The following PLEKHG4 variants were observed in gnomAD, a reference collection of about 807,000 sequenced individuals.
PLEKHG4 encodes pleckstrin homology and RhoGEF domain containing G4.
PLEKHG4 carries 85 observed loss-of-function variants against 136.9 expected under a neutral mutation model. The observed-to-expected ratio is 0.62, with a 90% CI of 0.52 to 0.74. PLEKHG4 has a LOEUF of 0.74. Ranked by LOEUF, PLEKHG4 falls within the 30% of genes least tolerant of loss-of-function variation. The pLI is 0.00. For synonymous variants in PLEKHG4, 577 were observed against 646.9 expected (o/e 0.89, Z 1.64); for missense variants, 1,317 against 1,527.8 (o/e 0.86, Z 2.30).
chr16:67,279,109 C>G (rs1300530773), upstream of PLEKHG4: 1 of 152,246 alleles, frequency 6.6e-6, no homozygotes, highest in Non-Finnish European at 1.5e-5. Context: ...CCTGGGAGAC[C>G]CCGCCCCGCC....
chr16:67,284,435 G>A lies in PLEKHG4; in HGVS notation c.1670G>A (p.Arg557Lys), dbSNP rs149335809. 834 of 1,613,904 alleles carry A rather than the reference G, an allele frequency of 5.2e-4. 4 individuals carry two copies. In the African/African-American group the frequency reaches 0.01, roughly 19 times the overall value. Residue 557 changes from arginine (R) to lysine (K), a missense_variant, in exon 12 of 22, where the codon AGG (arginine) becomes AAG (lysine). Transcript: ENST00000379344. The surrounding 1 kb of genome is among the most constrained non-coding windows in gnomAD (Gnocchi z 4.4). ...QRCQRLADAE[R>K]LFQLFREALT... The stretch of plus-strand genomic sequence containing the variant: ...TGCCAGCGGCTGGCGGATGCTGAGA[G>A]GCTGTTTCAGCTCTTCAGGGAGGTG...
rs771188331 is a variant in PLEKHG4, at chr16:67,288,063, G to A, written c.3220+49G>A. 1.2e-5 allele frequency: 19 copies of A among 1,532,160 alleles called. No individual in the cohort carries two copies. The East Asian group carries it at 2.2e-4, about 18-fold the overall frequency. The allele number at this position is 1,532,160 out of a possible 1,614,324, so 94.9% of individuals were successfully genotyped here. ...GGGGGTGGGAGTAGGAAAGCTGTGC[G>A]GGAAGCACTGTGGCCCTCCATTAGT... On this transcript the variant is annotated intron_variant, in intron 19 of 21. Coordinates refer to ENST00000379344, the MANE Select transcript of PLEKHG4 (RefSeq NM_001129729.3).
Position 67,281,762 on chromosome 16 carries a change from C to T in PLEKHG4, c.930C>T (p.Ile310=), listed in dbSNP as rs756328710. 5.0e-6 allele frequency: 8 copies of T among 1,613,994 alleles called. No individual in the cohort carries two copies. In the East Asian group the frequency reaches 1.1e-4, roughly 22 times the overall value. Residue 310 remains isoleucine, a synonymous_variant, in exon 7 of 22, where the codon ATC becomes ATT. Coordinates refer to ENST00000379344, the MANE Select transcript of PLEKHG4 (RefSeq NM_001129729.3). ...CTTCTCAGAGCCTGCTGACCCACAT[C>T]CCAACGGCGGGGCTGCCCACTTCGC... The part of the protein sequence containing the change: ...QLPSQSLLTH[I]PTAGLPTSLG...
At chr16:67,285,884 G>A (rs557153150) in intron 14 of PLEKHG4, among the ~76,000 whole-genome samples, 24 of 152,280 alleles carry the variant, frequency 1.6e-4, no homozygotes, top group Non-Finnish European at 2.4e-4. Context: ...GGGAGGGGCT[G>A]GAGTGAGTGT....
chr16:67,287,589 CATT>C (rs2036534235), intron 18 of PLEKHG4: 2 of 500,502 alleles, frequency 4.0e-6, no homozygotes, highest in East Asian at 7.7e-5. Context: ...ATAGAGGTCT[CATT>C]ATATTGCCCA....
Position 67,280,688 on chromosome 16 carries a change from C to A in PLEKHG4, c.500-23C>A. 6.2e-7 allele frequency: 1 copy of A among 1,614,040 alleles called. No individual in the cohort carries two copies. The highest frequency in any genetic ancestry group is 2.2e-5 in the East Asian group (1 of 44,884). On this transcript the variant is annotated intron_variant, in intron 2 of 21. Coordinates refer to ENST00000379344, the MANE Select transcript of PLEKHG4 (RefSeq NM_001129729.3). This position sits in a 1 kb window ranked among gnomAD's most constrained non-coding sequence, Gnocchi z 4.4. ...CTCTGGATAGGTGGTCCAAGGCAGA[C>A]CCAAGTCATTTCCCTTCCCAAGCCC...
Position 67,286,442 on chromosome 16 carries a change from C to T in PLEKHG4, c.2533-3C>T, listed in dbSNP as rs750363130. The T allele has an allele frequency of 5.0e-6, 8 of 1,612,672 alleles. No homozygotes were observed. The East Asian group carries it at 1.6e-4, about 31-fold the overall frequency. The stretch of plus-strand genomic sequence containing the variant: ...CACTCAGTGGCCTCCCATCCGCCCA[C>T]AGGACAAGCAGCAAGCACTGGGGGA... On this transcript the variant is annotated splice_region_variant and splice_polypyrimidine_tract_variant and intron_variant, in intron 15 of 21. Coordinates refer to ENST00000379344, the MANE Select transcript of PLEKHG4 (RefSeq NM_001129729.3).
At chr16:67,281,867 G>C in intron 7 of PLEKHG4, 30 bp downstream of exon 7, 1 of 1,585,804 alleles carries the variant, frequency 6.3e-7, no homozygotes, top group South Asian at 1.1e-5. Context: ...CATGGGGGCA[G>C]TCATATAGGC....
chr16:67,285,618 C>T (rs2036434687), intron 14 of PLEKHG4, 82 bp downstream of exon 14: 7 of 1,511,490 alleles, frequency 4.6e-6, no homozygotes, highest in African/African-American at 2.7e-5. Flanking sequence ...GGTGCCAGTC[C>T]CTGTGCTATG....
In PLEKHG4 at chr16:67,287,165, G is replaced by A. The variant is rs776052745; in HGVS notation, c.3091G>A (p.Val1031Ile). The A allele has an allele frequency of 1.4e-5, 23 of 1,607,964 alleles. No individual in the cohort carries two copies. In the Admixed American group the frequency reaches 2.2e-4, roughly 15 times the overall value. The change falls in exon 18 of 22, where the codon GTC becomes ATC. Residue 1031 changes from valine (V) to isoleucine (I), a missense_variant. Coordinates refer to ENST00000379344, the MANE Select transcript of PLEKHG4 (RefSeq NM_001129729.3). ...CTCCCACCTGCTTTGGAGGCAGGCC[G>A]TCCACAACAAGGGTGGGTCCATGCC... is the stretch of plus-strand genomic sequence containing the variant. Reference protein sequence around the residue: ...DISHLLWRQAVHNKEVRMAEM... With the variant: ...DISHLLWRQAIHNKEVRMAEM...
chr16:67,287,423 A>G (rs2036527085), intron 18 of PLEKHG4: 1 of 578,126 alleles, frequency 1.7e-6, no homozygotes. Flanking sequence ...TTTTGGAGAC[A>G]GGGTCTCGCT....
In PLEKHG4 at chr16:67,284,198, T is replaced by C. The variant is rs889559023; in HGVS notation, c.1510-77T>C. On this transcript the variant is annotated intron_variant, in intron 11 of 21. Coordinates refer to ENST00000379344, the MANE Select transcript of PLEKHG4 (RefSeq NM_001129729.3). This position sits in a 1 kb window ranked among gnomAD's most constrained non-coding sequence, Gnocchi z 4.4. ...CAGACTTGATGGGGACATGTCGATA[T>C]GTCAGCAGGAAGTATCTGAGTCTGG... The C allele has an allele frequency of 7.7e-7, 1 of 1,290,350 alleles. No individual in the cohort carries two copies. The highest frequency in any genetic ancestry group is 1.5e-5 in the African/African-American group (1 of 68,292). 79.9% of individuals were successfully genotyped at this position (1,290,350 alleles called of 1,614,324 possible). A position where few individuals can be genotyped will look rare whatever the true frequency, so the allele number is the denominator to read the frequency against.
Position 67,288,416 on chromosome 16 carries a change from G to A in PLEKHG4, c.3454+16G>A, listed in dbSNP as rs2036588373. Reference sequence around the variant, plus strand: ...CCCTCTTTGAGTATGTCTGGGCCTAGCCAGAGGCAGGAGGGCATGGCTTGG... The same window carrying A: ...CCCTCTTTGAGTATGTCTGGGCCTAACCAGAGGCAGGAGGGCATGGCTTGG... On this transcript the variant is annotated intron_variant, in intron 20 of 21. Transcript: ENST00000379344. The A allele has an allele frequency of 2.5e-6, 4 of 1,612,548 alleles. No individual in the cohort carries two copies. Among genetic ancestry groups the A allele is most frequent in the Admixed American group, 1.7e-5 (1 of 60,006 alleles).
rs149280885 is a variant in PLEKHG4, at chr16:67,285,055, G to T, written c.2035G>T (p.Asp679Tyr). Residue 679 changes from aspartate (D) to tyrosine (Y), a missense_variant, in exon 13 of 22, where the codon GAT (aspartate) becomes TAT (tyrosine). Asp to Tyr is a radical substitution (Grantham distance 160). Transcript: ENST00000379344. ...TCCCCTGAGGAAGGCCTACAGCTTC[G>T]ATCGGAATCTGGGGCAGAGTCTCAG... Reference protein sequence around the residue: ...HPPLRKAYSFDRNLGQSLSEP... With the variant: ...HPPLRKAYSFYRNLGQSLSEP... 10 of 1,613,536 alleles carry T rather than the reference G, an allele frequency of 6.2e-6. No homozygotes were observed. The highest frequency in any genetic ancestry group is 4.4e-5 in the South Asian group (4 of 91,084).
At position 67,288,973 on chromosome 16, in the gene PLEKHG4, T is replaced by A; in HGVS notation, c.*165T>A. The A allele has an allele frequency of 1.2e-6, 1 of 805,734 alleles. No homozygotes were observed. Among genetic ancestry groups the A allele is most frequent in the Non-Finnish European group, 2.1e-6 (1 of 472,446 alleles). The allele number at this position is 805,734 out of a possible 1,614,324, so 49.9% of individuals were successfully genotyped here. On this transcript the variant is annotated 3_prime_UTR_variant, in exon 22 of 22. Coordinates refer to ENST00000379344, the MANE Select transcript of PLEKHG4 (RefSeq NM_001129729.3). Reference sequence around the variant, plus strand: ...TGATGTGTGTGGCCATTGGACTAACTGGCACGGGGCCTCTCTAGGGAAGTC... The same window carrying A: ...TGATGTGTGTGGCCATTGGACTAACAGGCACGGGGCCTCTCTAGGGAAGTC...
At chr16:67,285,881 G>A (rs2036446411) in intron 14 of PLEKHG4, among the ~76,000 whole-genome samples, 1 of 152,196 alleles carries the variant, frequency 6.6e-6, no homozygotes. Context: ...TAGGGGAGGG[G>A]CTGGAGTGAG....
chr16:67,281,925 A>G, intron 7 of PLEKHG4, 84 bp from the exon 8 acceptor site: 8 of 1,550,026 alleles, frequency 5.2e-6, no homozygotes, highest in Non-Finnish European at 7.1e-6. Context: ...TGAACCAGAC[A>G]AAGCTGGCTG....
rs755452860 is a variant in PLEKHG4, at chr16:67,282,662, G to T, written c.1392+21G>T. ...ACCAGGTCGGAACTACTTGCCCAGA[G>T]TGGGCCCTGCCCCGATCTCAGACGT... On this transcript the variant is annotated intron_variant, in intron 10 of 21. Transcript: ENST00000379344. 12 of 1,613,590 alleles carry T rather than the reference G, an allele frequency of 7.4e-6. No individual in the cohort carries two copies. In the East Asian group the frequency reaches 2.7e-4, roughly 36 times the overall value.
Position 67,284,261 on chromosome 16 carries a change from C to A in PLEKHG4, c.1510-14C>A. Reference sequence around the variant, plus strand: ...CAGGCCTGGGCTGGCTGAGCCTAGTCTCTGTCTCTGCAGGAGCAGGTCAGG... The same window carrying A: ...CAGGCCTGGGCTGGCTGAGCCTAGTATCTGTCTCTGCAGGAGCAGGTCAGG... On this transcript the variant is annotated splice_polypyrimidine_tract_variant and intron_variant, in intron 11 of 21. Coordinates refer to ENST00000379344, the MANE Select transcript of PLEKHG4 (RefSeq NM_001129729.3). This position sits in a 1 kb window ranked among gnomAD's most constrained non-coding sequence, Gnocchi z 4.4. 6.2e-7 allele frequency: 1 copy of A among 1,612,694 alleles called. No individual in the cohort carries two copies. The highest frequency in any genetic ancestry group is 1.1e-5 in the South Asian group (1 of 90,894).
Sources: allele counts gnomAD v4.1 joint callset (sites outside exome capture counted in the v4.1 genomes callset), GRCh38; gene constraint gnomAD v4.1.1; non-coding constraint Gnocchi (gnomAD v3.1); transcripts MANE v1.5; gene names NCBI Gene and HGNC (gene_info 2026-07-23, HGNC 2026-07-21).